Variants in BEND5 observed in about 807,000 individuals in gnomAD.
The protein encoded by BEND5 is BEN domain-containing protein 5.
Under a neutral mutation model 43.9 loss-of-function variants are expected in BEND5, and 22 were observed. The observed-to-expected ratio is 0.50, with a 90% CI of 0.36 to 0.72. The LOEUF (loss-of-function observed/expected upper bound fraction) is 0.72. BEND5 is among the 30% of genes least tolerant of loss of function. The pLI is 0.00. For synonymous variants in BEND5, 228 were observed against 225.9 expected (o/e 1.01, Z -0.08); for missense variants, 428 against 550.6 (o/e 0.78, Z 2.23).
In BEND5 at chr1:48,776,842, G is replaced by C; in HGVS notation, c.-11C>G. ...CACAAAGGCGTACATGGTGGGCGCC[G>C]GGGGCGGGCCCCGGTCGGGCAGCTC... On this transcript the variant is annotated 5_prime_UTR_variant, in exon 1 of 6. Transcript: ENST00000371833. 3 of 1,492,432 alleles carry C rather than the reference G, an allele frequency of 2.0e-6. No individual in the cohort carries two copies. The highest frequency in any genetic ancestry group is 2.4e-5 in the Admixed American group (1 of 41,532). The allele number at this position is 1,492,432 out of a possible 1,614,324, so 92.4% of individuals were successfully genotyped here. A position where few individuals can be genotyped will look rare whatever the true frequency, so the allele number is the denominator to read the frequency against.
At position 48,776,679 on chromosome 1, in the gene BEND5, G is replaced by C. The variant is rs1448956170; in HGVS notation, c.153C>G (p.Pro51=). The stretch of plus-strand genomic sequence containing the variant: ...CGCGGGGGGCGCGCGGGGGGCTCTC[G>C]GGCCCGGCGCCCAATTCCTCCGGGC... ...YRGPEELGAG[P]ESPPRAPRDW... The change falls in exon 1 of 6, where the codon CCC becomes CCG. Residue 51 remains proline (P), a synonymous_variant. Coordinates refer to ENST00000371833, the MANE Select transcript of BEND5 (RefSeq NM_024603.4). 8 of 1,507,810 alleles carry C rather than the reference G, an allele frequency of 5.3e-6. No individual in the cohort carries two copies. The highest frequency in any genetic ancestry group is 6.2e-6 in the Non-Finnish European group (7 of 1,130,126). 93.4% of individuals were successfully genotyped at this position (1,507,810 alleles called of 1,614,324 possible).
chr1:48,739,767 T>C (rs1403081757), intron 4 of BEND5, among the ~76,000 whole-genome samples: 8 of 152,232 alleles, frequency 5.3e-5, no homozygotes, highest in Non-Finnish European at 1.0e-4. Flanking sequence ...CCCCTCCCCA[T>C]GTTTCCGCTC....
At chr1:48,737,221 T>A (rs1033606185) in intron 4 of BEND5, among the ~76,000 whole-genome samples, 5 of 151,932 alleles carry the variant, frequency 3.3e-5, no homozygotes, top group Non-Finnish European at 2.9e-5. Flanking sequence ...GAGGAAGAGG[T>A]TGCAGTGAGC....
At chr1:48,763,322 G>A (rs907495827) in intron 1 of BEND5, among the ~76,000 whole-genome samples, 2 of 152,178 alleles carry the variant, frequency 1.3e-5, no homozygotes, top group Admixed American at 1.3e-4. Context: ...AATGGGTTAG[G>A]CATGAACAAC....
At chr1:48,757,974 T>C (rs1644034741) in intron 3 of BEND5, among the ~76,000 whole-genome samples, 1 of 152,208 alleles carries the variant, frequency 6.6e-6, no homozygotes. Context: ...ATTCTTATAT[T>C]CTAAAAGCAT....
chr1:48,759,196 A>G lies in BEND5; in HGVS notation c.449T>C (p.Leu150Pro). Residue 150 changes from leucine to proline, a missense_variant, in exon 3 of 6, where the codon CTG becomes CCG. This residue lies in a region of BEND5 where 243 missense variants were observed against 286.4 expected (regional missense o/e 0.85). Coordinates refer to ENST00000371833, the MANE Select transcript of BEND5 (RefSeq NM_024603.4). ...ARLEKQNGLS[L>P]GHSTCPEEVF... is the part of the protein sequence containing the mutation. The stretch of plus-strand genomic sequence containing the variant: ...CTCTTCCGGACACGTGCTATGGCCC[A>G]GGCTCAGGCCGTTCTGCTTCTCTAG... The G allele has an allele frequency of 6.2e-7, 1 of 1,612,606 alleles. No homozygotes were observed. Among genetic ancestry groups the G allele is most frequent in the South Asian group, 1.1e-5 (1 of 90,844 alleles).
At chr1:48,742,449 C>T (rs979069048) in intron 4 of BEND5, among the ~76,000 whole-genome samples, 174 bp downstream of exon 4, 5 of 151,870 alleles carry the variant, frequency 3.3e-5, no homozygotes, top group African/African-American at 1.2e-4. Context: ...GAAGAGAAAA[C>T]GCCCCAGCAA....
chr1:48,742,887 G>C (rs1650135704), intron 3 of BEND5, 116 bp from the exon 4 acceptor site: 3 of 1,075,364 alleles, frequency 2.8e-6, no homozygotes. Flanking sequence ...GCTTATTTTT[G>C]TCCATTGAAC....
At position 48,776,628 on chromosome 1, in the gene BEND5, CT is replaced by C; in HGVS notation, c.203del (p.Lys68ArgfsTer18). ...PRDWGALLLHKAQILALAEDK... is the reference protein window; with the variant it reads ...PRDWGALLLHXAQILALAEDK... ...CACCTGCCAGCGCCAGGATCTGGGC[CT>C]TGTGGAGCAACAGCGCGCCCCAGTC... is the stretch of plus-strand genomic sequence containing the variant. On this transcript the variant is annotated frameshift_variant, in exon 1 of 6. Coordinates refer to ENST00000371833, the MANE Select transcript of BEND5 (RefSeq NM_024603.4). LOFTEE classifies it high-confidence loss of function. 6.8e-7 allele frequency: 1 copy of C among 1,475,722 alleles called. No individual in the cohort carries two copies. Among genetic ancestry groups the C allele is most frequent in the Non-Finnish European group, 8.9e-7 (1 of 1,118,360 alleles). 91.4% of individuals were successfully genotyped at this position (1,475,722 alleles called of 1,614,324 possible). A position where few individuals can be genotyped will look rare whatever the true frequency, so the allele number is the denominator to read the frequency against.
intron 4 of BEND5, 115 bp downstream of exon 4, chr1:48,742,508 T>G: frequency 9.0e-7 from 1 of 1,110,518 alleles, no homozygotes; most frequent in South Asian, 3.4e-5. Flanking sequence ...CATTCAGGGC[T>G]AGGCCAGGAG....
At chr1:48,744,575 G>A (rs1175292506) in intron 3 of BEND5, among the ~76,000 whole-genome samples, 1 of 152,180 alleles carries the variant, frequency 6.6e-6, no homozygotes, top group Admixed American at 6.5e-5. Context: ...GCAAGAACAT[G>A]TCTTTCCTCT....
In BEND5 at chr1:48,736,151, G is replaced by C. The variant is rs1557922449; in HGVS notation, c.1108+88C>G. 2 of 1,437,260 alleles carry C rather than the reference G, an allele frequency of 1.4e-6. No homozygotes were observed. Among genetic ancestry groups the C allele is most frequent in the Non-Finnish European group, 1.9e-6 (2 of 1,026,402 alleles). 89.0% of individuals were successfully genotyped at this position (1,437,260 alleles called of 1,614,324 possible). ...GGTCTGGCATGCAGAAGCTTCATAAGTAATCGTTGAATTGAATTGTGCCTA... is the reference window on the plus strand; with the variant it reads ...GGTCTGGCATGCAGAAGCTTCATAACTAATCGTTGAATTGAATTGTGCCTA... On this transcript the variant is annotated intron_variant, in intron 5 of 5. Transcript: ENST00000371833. The surrounding 1 kb of genome is among the most constrained non-coding windows in gnomAD (Gnocchi z 4.0).
chr1:48,759,264 C>A lies in BEND5; in HGVS notation c.381G>T (p.Pro127=), dbSNP rs749096188. ...CGATGCTCTTGTGCGCCACTTCGCT[C>A]GGCTTCCGCCCCTCAGGTCTCTGTG... ...RHIKRPEGRK[P]SEVAHKSIEA... Residue 127 remains proline, a synonymous_variant, in exon 3 of 6, where the codon CCG becomes CCT. Coordinates refer to ENST00000371833, the MANE Select transcript of BEND5 (RefSeq NM_024603.4). 6 of 1,561,454 alleles carry A rather than the reference C, an allele frequency of 3.8e-6. No individual in the cohort carries two copies. In the African/African-American group the frequency reaches 4.1e-5, roughly 11 times the overall value.
chr1:48,732,372 T>C (rs963037369), intron 5 of BEND5, among the ~76,000 whole-genome samples: 1 of 152,340 alleles, frequency 6.6e-6, no homozygotes. Context: ...TCATCATTCA[T>C]TGAATCAACA....
At chr1:48,734,143 G>C (rs1023044961) in intron 5 of BEND5, among the ~76,000 whole-genome samples, 3 of 152,162 alleles carry the variant, frequency 2.0e-5, no homozygotes, top group African/African-American at 7.2e-5. Context: ...CAAGACGAAA[G>C]GTTACCTCTG....
At chr1:48,773,308 T>C (rs1055860581) in intron 1 of BEND5, among the ~76,000 whole-genome samples, 1 of 152,006 alleles carries the variant, frequency 6.6e-6, no homozygotes, top group African/African-American at 2.4e-5. Context: ...TGCAGTTAGA[T>C]GATGGTGAGC....
intron 3 of BEND5, among the ~76,000 whole-genome samples, chr1:48,751,538 T>A (rs1651729312): frequency 6.6e-6 from 1 of 152,214 alleles, no homozygotes; most frequent in Non-Finnish European, 1.5e-5. Context: ...GCTGAGGTTG[T>A]TTTATATATG....
At chr1:48,758,073 C>G (rs1644040188) in intron 3 of BEND5, among the ~76,000 whole-genome samples, 1 of 152,222 alleles carries the variant, frequency 6.6e-6, no homozygotes, top group South Asian at 2.1e-4. Context: ...TGCTTCTAAA[C>G]CACTTTAGAT....
intron 3 of BEND5, among the ~76,000 whole-genome samples, chr1:48,747,911 G>A (rs904803659): frequency 6.6e-6 from 1 of 152,056 alleles, no homozygotes; most frequent in South Asian, 2.1e-4. Flanking sequence ...AATAATATTC[G>A]ATTCTTTTTT....
Sources: allele counts gnomAD v4.1 joint callset (sites outside exome capture counted in the v4.1 genomes callset), GRCh38; gene constraint gnomAD v4.1.1; regional missense constraint gnomAD v4.1.1; non-coding constraint Gnocchi (gnomAD v3.1); transcripts MANE v1.5; gene names NCBI Gene and HGNC (gene_info 2026-07-23, HGNC 2026-07-21).